EHBP1: variants seen among roughly 807,000 people sequenced by gnomAD.
EHBP1 encodes EH domain binding protein 1.
In EHBP1, 55 loss-of-function variants were observed where a neutral mutation model predicts 144.0. That is an observed-to-expected ratio of 0.38 (90% confidence interval 0.31 to 0.48). The LOEUF is 0.48. EHBP1 is among the 20% of genes least tolerant of loss of function. The pLI is 0.98. For synonymous variants in EHBP1, 469 were observed against 472.7 expected, an observed-to-expected ratio of 0.99 and a Z score of 0.10; for missense variants, 1,200 against 1,364.2, an observed-to-expected ratio of 0.88 and a Z score of 1.90.
chr2:63,035,232 A>G (rs1207035322), intron 19 of EHBP1, among the ~76,000 whole-genome samples: 1 of 152,100 alleles, frequency 6.6e-6, no homozygotes, highest in Non-Finnish European at 1.5e-5. Context: ...GATGTCCATC[A>G]TTGTATACTA....
At chr2:62,909,358 T>C (rs1468189579) in intron 10 of EHBP1, among the ~76,000 whole-genome samples, 1 of 152,114 alleles carries the variant, frequency 6.6e-6, no homozygotes, top group Non-Finnish European at 1.5e-5. Context: ...AATTTTTGTA[T>C]TTTTAGAAGA....
intron 10 of EHBP1, among the ~76,000 whole-genome samples, chr2:62,883,631 G>A (rs1198336430): frequency 2.6e-5 from 4 of 152,276 alleles, no homozygotes; most frequent in East Asian, 1.9e-4. Context: ...GATTGCTTGA[G>A]CCCAGAGATT....
chr2:62,752,928 G>A (rs183725124), intron 3 of EHBP1, among the ~76,000 whole-genome samples: 18 of 152,172 alleles, frequency 1.2e-4, no homozygotes, highest in South Asian at 4.1e-4. Context: ...TGAATACAGC[G>A]CACTGATGGG....
intron 5 of EHBP1, among the ~76,000 whole-genome samples, chr2:62,777,220 C>T (rs1301965307): frequency 6.6e-6 from 1 of 152,176 alleles, no homozygotes; most frequent in African/African-American, 2.4e-5. Flanking sequence ...GTACTCCCAC[C>T]TCGGCCTCCC....
intron 5 of EHBP1, among the ~76,000 whole-genome samples, chr2:62,799,054 G>T (rs1478709129): frequency 6.7e-6 from 1 of 150,352 alleles, no homozygotes; most frequent in Non-Finnish European, 1.5e-5. Flanking sequence ...AATGTCACAT[G>T]GTGTCTCTAG....
At chr2:62,835,632 C>T (rs1183008807) in intron 7 of EHBP1, among the ~76,000 whole-genome samples, 2 of 152,070 alleles carry the variant, frequency 1.3e-5, no homozygotes, top group African/African-American at 4.8e-5. Context: ...CCAGTGGGTG[C>T]GCGCACCGTG....
chr2:62,980,666 C>T (rs2058923860), intron 15 of EHBP1, among the ~76,000 whole-genome samples: 1 of 151,942 alleles, frequency 6.6e-6, no homozygotes, highest in South Asian at 2.1e-4. Context: ...CTGGTCTTCT[C>T]AGAATGTCTG....
chr2:62,990,864 T>C (rs370715102), intron 16 of EHBP1, 24 bp downstream of exon 16: 1 of 1,593,908 alleles, frequency 6.3e-7, no homozygotes, highest in African/African-American at 1.3e-5. Flanking sequence ...GTTTAAAACA[T>C]TTGGCTTAGT....
At chr2:62,772,524 A>G (rs1214669895) in intron 5 of EHBP1, among the ~76,000 whole-genome samples, 2 of 152,272 alleles carry the variant, frequency 1.3e-5, no homozygotes, top group African/African-American at 4.8e-5. Context: ...AACATTTATT[A>G]ATATATTAGA....
intron 2 of EHBP1, 21 bp downstream of exon 2, chr2:62,707,316 G>A: frequency 6.3e-7 from 1 of 1,581,278 alleles, no homozygotes; most frequent in Non-Finnish European, 8.7e-7. Context: ...CCTGGAGGTA[G>A]ATTTTGCTGT....
chr2:62,846,213 A>G (rs1006558700), intron 7 of EHBP1, among the ~76,000 whole-genome samples: 9 of 152,296 alleles, frequency 5.9e-5, no homozygotes, highest in East Asian at 3.9e-4. Flanking sequence ...GGAGAATTCT[A>G]CTGATGCTGA....
chr2:62,921,700 G>C (rs1051336027), intron 10 of EHBP1, among the ~76,000 whole-genome samples: 1 of 152,054 alleles, frequency 6.6e-6, no homozygotes, highest in Non-Finnish European at 1.5e-5. Context: ...TAGGGATTAG[G>C]GATACCAACC....
Position 62,859,280 on chromosome 2 carries a change from C to G in EHBP1, c.746C>G (p.Pro249Arg). 1 of 1,602,232 alleles carries G rather than the reference C, an allele frequency of 6.2e-7. No homozygotes were observed. The highest frequency in any genetic ancestry group is 8.5e-7 in the Non-Finnish European group (1 of 1,172,126). Reference sequence around the variant, plus strand: ...GCAGAATTAAATCCATTTGGAGATCCTGACTCAGAAGGTAGCAAGTTTTTC... The same window carrying G: ...GCAGAATTAAATCCATTTGGAGATCGTGACTCAGAAGGTAGCAAGTTTTTC... ...DAAELNPFGDPDSEEPITETA... is the reference protein window; with the variant it reads ...DAAELNPFGDRDSEEPITETA... The change falls in exon 8 of 23, where the codon CCT (proline) becomes CGT (arginine). Residue 249 changes from proline (P) to arginine (R), a missense_variant. This residue lies in a region of EHBP1 where 266 missense variants were observed against 262.4 expected (regional missense o/e 1.01). Coordinates refer to ENST00000431489, the MANE Select transcript of EHBP1 (RefSeq NM_001142616.3).
intron 14 of EHBP1, among the ~76,000 whole-genome samples, chr2:62,956,655 C>G (rs1040980733): frequency 6.8e-6 from 1 of 147,760 alleles, no homozygotes; most frequent in African/African-American, 2.5e-5. Context: ...TGAGACCAGC[C>G]TAGGCAACAG....
At chr2:63,015,762 A>G (rs983887340) in intron 19 of EHBP1, among the ~76,000 whole-genome samples, 1 of 152,298 alleles carries the variant, frequency 6.6e-6, no homozygotes, top group African/African-American at 2.4e-5. Flanking sequence ...CTCTTTTGGC[A>G]TTTTAATTAC....
At chr2:62,797,733 A>G (rs1339082988) in intron 5 of EHBP1, among the ~76,000 whole-genome samples, 2 of 152,212 alleles carry the variant, frequency 1.3e-5, no homozygotes, top group Non-Finnish European at 2.9e-5. Context: ...GTAAATGAAA[A>G]CAGTAGTAGA....
At chr2:62,863,256 G>A (rs1259661314) in intron 8 of EHBP1, among the ~76,000 whole-genome samples, 1 of 151,596 alleles carries the variant, frequency 6.6e-6, no homozygotes, top group East Asian at 1.9e-4. Flanking sequence ...CTGCACTCCA[G>A]CCTGGGCAAC....
At chr2:62,993,716 A>G (rs770631545) in intron 17 of EHBP1, 48 bp downstream of exon 17, 10 of 1,056,382 alleles carry the variant, frequency 9.5e-6, no homozygotes, top group African/African-American at 5.1e-5. Context: ...TTAACTATAT[A>G]TAGATATCTA....
At chr2:62,807,046 CTG>C (rs962313570) in intron 5 of EHBP1, among the ~76,000 whole-genome samples, 2 of 152,174 alleles carry the variant, frequency 1.3e-5, no homozygotes, top group African/African-American at 2.4e-5. Context: ...CCTGCAAATA[CTG>C]TGTTTTCAAT....
Sources: allele counts gnomAD v4.1 joint callset (sites outside exome capture counted in the v4.1 genomes callset), GRCh38; gene constraint gnomAD v4.1.1; regional missense constraint gnomAD v4.1.1; transcripts MANE v1.5; gene names NCBI Gene and HGNC (gene_info 2026-07-23, HGNC 2026-07-21).